ZFHX3: variants seen among roughly 807,000 people sequenced by gnomAD.
ZFHX3 encodes the protein zinc finger homeobox 3.
Under a neutral mutation model 279.1 loss-of-function variants are expected in ZFHX3, and 42 were observed. The observed-to-expected ratio is 0.15, with a 90% CI of 0.12 to 0.19. ZFHX3 has a LOEUF of 0.19. Ranked by LOEUF, ZFHX3 falls within the 10% of genes least tolerant of loss-of-function variation. ZFHX3 has a pLI of 1.00. For synonymous variants in ZFHX3, 2,293 were observed against 1,957.8 expected, an observed-to-expected ratio of 1.17 and a Z score of -4.52; for missense variants, 4,981 against 4,754.0, an observed-to-expected ratio of 1.05 and a Z score of -1.40.
At chr16:73,247,994 T>C (rs1369823103) in intron 5 of ZFHX3, among the ~76,000 whole-genome samples, 2 of 151,890 alleles carry the variant, frequency 1.3e-5, no homozygotes, top group African/African-American at 2.4e-5. Context: ...ATGTGCAGTG[T>C]ATGAGTGTGT....
At chr16:73,421,204 G>T (rs1292202341) in intron 3 of ZFHX3, 1 of 152,164 alleles carries the variant, frequency 6.6e-6, no homozygotes, top group Non-Finnish European at 1.5e-5. Context: ...AAATCTCTTG[G>T]CTTGAAAATT....
upstream of ZFHX3, among the ~76,000 whole-genome samples, chr16:73,064,136 G>A (rs1367594052): frequency 6.6e-6 from 1 of 152,096 alleles, no homozygotes; most frequent in Non-Finnish European, 1.5e-5. Flanking sequence ...AAAGAAAACT[G>A]GCTCGAAATG....
intron 5 of ZFHX3, among the ~76,000 whole-genome samples, chr16:73,191,455 C>T (rs577725714): frequency 2.6e-3 from 403 of 152,140 alleles, no homozygotes; most frequent in Non-Finnish European, 4.9e-3. Flanking sequence ...CAATGAGTCC[C>T]GGGGGTACAA....
At chr16:72,837,044 A>G (rs1323942119) in intron 4 of ZFHX3, among the ~76,000 whole-genome samples, 2 of 152,238 alleles carry the variant, frequency 1.3e-5, no homozygotes, top group Non-Finnish European at 2.9e-5. Flanking sequence ...ATGATAAGCA[A>G]ATGGGCCTCC....
intron 3 of ZFHX3, chr16:73,387,313 A>G (rs1359926002): frequency 6.6e-6 from 1 of 152,168 alleles, no homozygotes; most frequent in Non-Finnish European, 1.5e-5. Context: ...CTGCTTTGTG[A>G]ATCCCACAAC....
At chr16:73,852,377 A>T (rs978512692) in intron 1 of ZFHX3, among the ~76,000 whole-genome samples, 3 of 152,200 alleles carry the variant, frequency 2.0e-5, no homozygotes, top group Non-Finnish European at 4.4e-5. Context: ...GAGCATTTTC[A>T]TGTTAAAATG....
chr16:73,822,980 T>G (rs1312879969), intron 1 of ZFHX3, among the ~76,000 whole-genome samples: 1 of 152,310 alleles, frequency 6.6e-6, no homozygotes, highest in East Asian at 1.9e-4. Context: ...CAACTTACCA[T>G]ACGTCATGCA....
intron 2 of ZFHX3, among the ~76,000 whole-genome samples, chr16:73,456,720 G>A (rs754910002): frequency 6.6e-6 from 1 of 152,160 alleles, no homozygotes; most frequent in African/African-American, 2.4e-5. Flanking sequence ...GCCGCTCCAA[G>A]GCCTGGAGAG....
chr16:73,322,000 C>T (rs187995830), intron 3 of ZFHX3, among the ~76,000 whole-genome samples: 25 of 152,290 alleles, frequency 1.6e-4, no homozygotes, highest in Admixed American at 7.8e-4. Context: ...CGGAGGTAGA[C>T]GCTGAGAATA....
chr16:72,936,875 G>T (rs1960152596), intron 3 of ZFHX3, among the ~76,000 whole-genome samples: 1 of 152,172 alleles, frequency 6.6e-6, no homozygotes, highest in African/African-American at 2.4e-5. Context: ...AGAGGCGGGG[G>T]AGAGTTGAAA....
intron 1 of ZFHX3, among the ~76,000 whole-genome samples, chr16:72,974,266 G>A (rs1209332555): frequency 6.6e-6 from 1 of 152,182 alleles, no homozygotes; most frequent in East Asian, 1.9e-4. Context: ...TAGAGCACCT[G>A]GGAAACACCA....
intron 2 of ZFHX3, among the ~76,000 whole-genome samples, chr16:73,635,593 C>A (rs1479834827): frequency 6.6e-6 from 1 of 152,098 alleles, no homozygotes; most frequent in Non-Finnish European, 1.5e-5. Context: ...TTTCCCTATT[C>A]TCCTTTCAAA....
intron 2 of ZFHX3, among the ~76,000 whole-genome samples, chr16:73,514,540 T>C (rs1402110025): frequency 6.6e-5 from 10 of 152,216 alleles, no homozygotes. Flanking sequence ...CTATTCTCAT[T>C]CTATAATTCC....
chr16:73,848,201 C>T (rs1961500977), intron 1 of ZFHX3, among the ~76,000 whole-genome samples: 1 of 152,036 alleles, frequency 6.6e-6, no homozygotes, highest in African/African-American at 2.4e-5. Flanking sequence ...TGGAGCTGGT[C>T]CTACTCTCAG....
rs556562258 is a variant in ZFHX3, at chr16:73,866,207, T to C, written c.-1608+25444A>G. Among the ~76,000 whole-genome samples, 99 of 120,866 alleles carry C rather than the reference T, an allele frequency of 8.2e-4. 1 individual carries two copies. Among genetic ancestry groups the C allele is most frequent in the African/African-American group, 3.1e-3 (99 of 31,690 alleles). 79.3% of individuals were successfully genotyped at this position (120,866 alleles called of 152,430 possible). On this transcript the variant is annotated intron_variant, in intron 1 of 17. Transcript: ENST00000641206. The stretch of plus-strand genomic sequence containing the variant: ...TTTTTTTTTTTTTTTTGAGACAGAG[T>C]ATCACCCTGTCACCCTGTCTAGAGT...
chr16:73,576,485 A>G (rs970044472), intron 2 of ZFHX3, among the ~76,000 whole-genome samples: 1 of 152,188 alleles, frequency 6.6e-6, no homozygotes, highest in Admixed American at 6.5e-5. Flanking sequence ...CACCTGGCAC[A>G]AGTATGTGGA....
intron 1 of ZFHX3, among the ~76,000 whole-genome samples, chr16:73,762,798 G>T (rs1457597905): frequency 6.6e-6 from 1 of 152,116 alleles, no homozygotes; most frequent in African/African-American, 2.4e-5. Flanking sequence ...GACACAGGGA[G>T]GGGAATGACA....
chr16:73,666,664 G>A lies in ZFHX3; in HGVS notation c.-1547+13516C>T, dbSNP rs1033233180. On this transcript the variant is annotated intron_variant, in intron 2 of 17. Transcript: ENST00000641206. ...ATAAAATTCACTCTTTTTAGTGTAC[G>A]GGTGTATGAATTTTGTCAAATGCAC... Among the ~76,000 whole-genome samples, 24 of 151,732 alleles carry A rather than the reference G, an allele frequency of 1.6e-4. 2 individuals are homozygous for A. Among genetic ancestry groups the A allele is most frequent in the African/African-American group, 5.1e-4 (21 of 41,204 alleles).
intron 5 of ZFHX3, among the ~76,000 whole-genome samples, chr16:73,191,784 C>G (rs959872113): frequency 6.6e-6 from 1 of 152,110 alleles, no homozygotes; most frequent in Non-Finnish European, 1.5e-5. Flanking sequence ...CAGGTACCTG[C>G]ACTGGGCTGC....
Sources: gnomAD v4.1 joint callset for allele counts (sites outside exome capture counted in the v4.1 genomes callset) on GRCh38, gnomAD v4.1.1 for gene constraint, MANE v1.5 for transcripts, NCBI Gene and HGNC (gene_info 2026-07-23, HGNC 2026-07-21) for gene names.